NDNF: variants seen among roughly 807,000 people sequenced by gnomAD.
NDNF encodes the protein neuron derived neurotrophic factor.
A neutral mutation model predicts 42.0 loss-of-function variants in NDNF; 16 were observed. That is an observed-to-expected ratio of 0.38 (90% confidence interval 0.26 to 0.58). NDNF has a LOEUF of 0.58. NDNF is among the 20% of genes least tolerant of loss of function. The pLI is 0.67. For missense variants in NDNF, 616 were observed against 666.2 expected (o/e 0.92, Z 0.83); for synonymous variants, 248 against 251.7 (o/e 0.99, Z 0.14).
rs931834152 is a variant in NDNF, at chr4:121,045,553, AT to A, written c.188+96del. 1.5e-4 allele frequency: 152 copies of A among 1,039,070 alleles called. No individual in the cohort carries two copies. In the African/African-American group the frequency reaches 2.2e-3, roughly 15 times the overall value. The allele number at this position is 1,039,070 out of a possible 1,614,324, so 64.4% of individuals were successfully genotyped here. On this transcript the variant is annotated intron_variant, in intron 2 of 3. Coordinates refer to ENST00000379692, the MANE Select transcript of NDNF (RefSeq NM_024574.4). Reference sequence around the variant, plus strand: ...AATCGGTAATGCCATTCATAGGTTGATTTGTAAATTACCTAAACTAAGTCTA... The same window carrying A: ...AATCGGTAATGCCATTCATAGGTTGATTGTAAATTACCTAAACTAAGTCTA...
chr4:121,064,734 G>A (rs1043084089), intron 1 of NDNF, among the ~76,000 whole-genome samples: 27 of 152,224 alleles, frequency 1.8e-4, no homozygotes, highest in Admixed American at 1.3e-3. Context: ...GTGTGTATGC[G>A]TGTGCGTGGG....
Position 121,039,913 on chromosome 4 carries a change from T to C in NDNF, c.313+17A>G, listed in dbSNP as rs1189984023. On this transcript the variant is annotated intron_variant, in intron 3 of 3. Coordinates refer to ENST00000379692, the MANE Select transcript of NDNF (RefSeq NM_024574.4). ...ATCCATTCAAAGGTCCAGGGGCAGA[T>C]CTATCCTGCTGCTTACCTGAGCCTT... 4.3e-6 allele frequency: 7 copies of C among 1,609,474 alleles called. No homozygotes were observed. Among genetic ancestry groups the C allele is most frequent in the Admixed American group, 3.4e-5 (2 of 58,804 alleles).
At chr4:121,058,498 T>C (rs899326781) in intron 1 of NDNF, among the ~76,000 whole-genome samples, 1 of 152,132 alleles carries the variant, frequency 6.6e-6, no homozygotes, top group Non-Finnish European at 1.5e-5. Flanking sequence ...ATGCAACTGC[T>C]CCGAGCCTCG....
intron 2 of NDNF, among the ~76,000 whole-genome samples, chr4:121,041,544 C>T (rs1390729636): frequency 6.6e-6 from 1 of 152,158 alleles, no homozygotes; most frequent in Non-Finnish European, 1.5e-5. Flanking sequence ...CTCATCCAGG[C>T]TCATACAATT....
chr4:121,050,308 C>CT (rs1207036035), intron 1 of NDNF, among the ~76,000 whole-genome samples: 1 of 152,138 alleles, frequency 6.6e-6, no homozygotes, highest in Non-Finnish European at 1.5e-5. Context: ...TAAGAACAGA[C>CT]TTTTTTTCTA....
At chr4:121,061,859 G>A (rs882046) in intron 1 of NDNF, among the ~76,000 whole-genome samples, 128,532 of 152,216 alleles carry the variant, frequency 0.84, 54,541 homozygotes, top group Non-Finnish European at 0.88. Flanking sequence ...AACCATGATC[G>A]GCTTTGGTAC....
chr4:121,048,533 C>T (rs549255933), intron 1 of NDNF, among the ~76,000 whole-genome samples: 361 of 152,310 alleles, frequency 2.4e-3, no homozygotes, highest in Non-Finnish European at 3.7e-3. Flanking sequence ...TCTATTAAAT[C>T]AGATACTTAT....
At chr4:121,071,896 G>A (rs1473249718) in intron 1 of NDNF, 97 bp downstream of exon 1, 2 of 152,084 alleles carry the variant, frequency 1.3e-5, no homozygotes, top group African/African-American at 4.8e-5. Context: ...CCCCATCTCG[G>A]ATGACCCTTC....
At chr4:121,068,181 CT>C (rs1163257700) in intron 1 of NDNF, among the ~76,000 whole-genome samples, 1 of 151,826 alleles carries the variant, frequency 6.6e-6, no homozygotes, top group African/African-American at 2.4e-5. Flanking sequence ...AAAGTATTTA[CT>C]TTTTTTTTCT....
chr4:121,060,958 G>A (rs1238135911), intron 1 of NDNF, among the ~76,000 whole-genome samples: 1 of 152,184 alleles, frequency 6.6e-6, no homozygotes, highest in Non-Finnish European at 1.5e-5. Flanking sequence ...ATAATCCATA[G>A]ATAGATGAGT....
intron 2 of NDNF, among the ~76,000 whole-genome samples, chr4:121,043,119 G>A (rs908263071): frequency 6.6e-6 from 1 of 152,140 alleles, no homozygotes; most frequent in Non-Finnish European, 1.5e-5. Flanking sequence ...GAGATGACGG[G>A]ACATAATCTA....
intron 1 of NDNF, among the ~76,000 whole-genome samples, chr4:121,053,471 T>C (rs753275977): frequency 3.2e-4 from 48 of 151,884 alleles, no homozygotes; most frequent in Non-Finnish European, 5.9e-4. Flanking sequence ...TTAATGCCAA[T>C]GAGAAGAATA....
intron 1 of NDNF, chr4:121,061,132 T>G (rs1727397979): frequency 6.6e-6 from 1 of 152,228 alleles, no homozygotes; most frequent in Non-Finnish European, 1.5e-5. Context: ...ATGTATTTAT[T>G]CTACCAGCCC....
At chr4:121,051,544 T>C (rs1286759807) in intron 1 of NDNF, among the ~76,000 whole-genome samples, 1 of 152,134 alleles carries the variant, frequency 6.6e-6, no homozygotes, top group Non-Finnish European at 1.5e-5. Context: ...ATCAATTAAA[T>C]ACCCAGAATT....
At chr4:121,067,311 G>T (rs1265255604) in intron 1 of NDNF, among the ~76,000 whole-genome samples, 1 of 152,014 alleles carries the variant, frequency 6.6e-6, no homozygotes, top group Non-Finnish European at 1.5e-5. Flanking sequence ...TTAAAGAAAA[G>T]ATTCATTTTA....
intron 2 of NDNF, 65 bp downstream of exon 2, chr4:121,045,585 T>G: frequency 7.3e-7 from 1 of 1,368,972 alleles, no homozygotes; most frequent in East Asian, 2.3e-5. Flanking sequence ...GTCTAAAGGT[T>G]ACTCTCTTTT....
intron 1 of NDNF, among the ~76,000 whole-genome samples, chr4:121,059,651 T>G (rs540528549): frequency 9.2e-5 from 14 of 152,364 alleles, no homozygotes; most frequent in African/African-American, 3.4e-4. Flanking sequence ...CAGGAGGGCC[T>G]CTTTCCTCTG....
Position 121,072,475 on chromosome 4 carries a change from G to C in NDNF, c.-484C>G, listed in dbSNP as rs1288112055. On this transcript the variant is annotated 5_prime_UTR_variant, in exon 1 of 4. Transcript: ENST00000379692. The stretch of plus-strand genomic sequence containing the variant: ...AGAGCCGGGCGCACGGGGCGGCAGC[G>C]GCCGTGGCGGGTGCGCTGCTCAGTT... The C allele has an allele frequency of 6.6e-6, 1 of 151,290 alleles. No individual in the cohort carries two copies. The highest frequency in any genetic ancestry group is 2.4e-5 in the African/African-American group (1 of 41,382). The allele number at this position is 151,290 out of a possible 1,614,324, so 9.4% of individuals were successfully genotyped here.
At chr4:121,037,836 T>C (rs1384325044) in intron 3 of NDNF, 179 bp from the exon 4 acceptor site, 2 of 501,888 alleles carry the variant, frequency 4.0e-6, no homozygotes, top group Non-Finnish European at 3.4e-6. Flanking sequence ...ATAATGTTCT[T>C]ATATATGTGT....
Sources: allele counts gnomAD v4.1 joint callset (sites outside exome capture counted in the v4.1 genomes callset), GRCh38; gene constraint gnomAD v4.1.1; transcripts MANE v1.5; gene names NCBI Gene and HGNC (gene_info 2026-07-23, HGNC 2026-07-21).